The following SDCCAG8 variants were observed in gnomAD, a reference collection of about 807,000 sequenced individuals.
SDCCAG8 encodes the protein serologically defined colon cancer antigen 8.
A neutral mutation model predicts 101.8 loss-of-function variants in SDCCAG8; 74 were observed. The ratio of observed to expected loss-of-function variants is 0.73; its 90% CI spans 0.60 to 0.88. The LOEUF is 0.88. SDCCAG8 is among the 40% of genes least tolerant of loss of function. The probability of loss-of-function intolerance (pLI) is 0.00; values close to 1 mark genes in which losing one functional copy is unlikely to be tolerated. For missense variants in SDCCAG8, 787 were observed against 822.6 expected, an observed-to-expected ratio of 0.96 and a Z score of 0.53; for synonymous variants, 281 against 292.9, an observed-to-expected ratio of 0.96 and a Z score of 0.41.
At chr1:243,454,297 C>G (rs2083573437) in intron 16 of SDCCAG8, among the ~76,000 whole-genome samples, 1 of 152,112 alleles carries the variant, frequency 6.6e-6, no homozygotes, top group African/African-American at 2.4e-5. Context: ...TCCTTTGAAA[C>G]TATGAAACTG....
chr1:243,290,711 C>T (rs972005649), intron 5 of SDCCAG8, among the ~76,000 whole-genome samples: 1 of 152,190 alleles, frequency 6.6e-6, no homozygotes, highest in Admixed American at 6.5e-5. Context: ...CTCTCTTCTT[C>T]GAATGCCCTT....
chr1:243,462,646 G>GT (rs1194143367), intron 16 of SDCCAG8, among the ~76,000 whole-genome samples: 1 of 48,428 alleles, frequency 2.1e-5, no homozygotes, highest in Non-Finnish European at 5.0e-5. Flanking sequence ...AATTTACATT[G>GT]TATTTTTTTC....
intron 6 of SDCCAG8, among the ~76,000 whole-genome samples, chr1:243,293,902 T>C (rs1488393850): frequency 6.6e-6 from 1 of 152,200 alleles, no homozygotes; most frequent in Non-Finnish European, 1.5e-5. Flanking sequence ...CATCAATTCG[T>C]TTTTCTACCT....
At chr1:243,290,971 T>C (rs2070191809) in intron 5 of SDCCAG8, among the ~76,000 whole-genome samples, 1 of 152,206 alleles carries the variant, frequency 6.6e-6, no homozygotes, top group African/African-American at 2.4e-5. Flanking sequence ...TCCTCCAAGC[T>C]CTTAGCACAG....
At chr1:243,304,184 T>C (rs901494324) in intron 6 of SDCCAG8, among the ~76,000 whole-genome samples, 3 of 152,232 alleles carry the variant, frequency 2.0e-5, no homozygotes, top group Admixed American at 6.5e-5. Flanking sequence ...TCTATTCCTT[T>C]CTGGGATATT....
At chr1:243,359,992 T>C (rs2076605284) in intron 12 of SDCCAG8, among the ~76,000 whole-genome samples, 1 of 152,150 alleles carries the variant, frequency 6.6e-6, no homozygotes. Context: ...TGGTATCTCA[T>C]TGTGGTTTTA....
chr1:243,309,891 GTC>G (rs1469463920), intron 8 of SDCCAG8, among the ~76,000 whole-genome samples: 3 of 151,966 alleles, frequency 2.0e-5, no homozygotes, highest in African/African-American at 7.2e-5. Flanking sequence ...TTGAGACGGA[GTC>G]TCTCTCTGTT....
At chr1:243,274,390 C>G (rs2068350858) in intron 3 of SDCCAG8, among the ~76,000 whole-genome samples, 153 bp from the exon 4 acceptor site, 1 of 152,178 alleles carries the variant, frequency 6.6e-6, no homozygotes, top group African/African-American at 2.4e-5. Flanking sequence ...AGACTATAAG[C>G]TACATTGTGA....
chr1:243,323,123 G>A (rs1242533152), intron 9 of SDCCAG8, among the ~76,000 whole-genome samples: 2 of 149,620 alleles, frequency 1.3e-5, no homozygotes, highest in East Asian at 3.9e-4. Context: ...AGCAGAGTGA[G>A]ACTCCATCTT....
intron 14 of SDCCAG8, among the ~76,000 whole-genome samples, chr1:243,417,506 G>A (rs1462147392): frequency 6.6e-6 from 1 of 152,028 alleles, no homozygotes; most frequent in Non-Finnish European, 1.5e-5. Flanking sequence ...GGGTGGTGGT[G>A]GTAGTAAACC....
intron 11 of SDCCAG8, among the ~76,000 whole-genome samples, chr1:243,342,700 C>T (rs2075448950): frequency 6.6e-6 from 1 of 151,846 alleles, no homozygotes; most frequent in Non-Finnish European, 1.5e-5. Context: ...CATTTTTTTC[C>T]TGTCACTCTG....
intron 13 of SDCCAG8, among the ~76,000 whole-genome samples, chr1:243,385,157 G>A (rs1032769633): frequency 7.9e-5 from 12 of 152,254 alleles, no homozygotes; most frequent in Non-Finnish European, 1.6e-4. Flanking sequence ...GGGAGGCTGA[G>A]GCGGGCAGGT....
intron 9 of SDCCAG8, among the ~76,000 whole-genome samples, chr1:243,330,230 A>T (rs2074488726): frequency 6.6e-6 from 1 of 152,130 alleles, no homozygotes; most frequent in East Asian, 1.9e-4. Context: ...ATATTAGAAC[A>T]CTTGGTGTTT....
intron 8 of SDCCAG8, among the ~76,000 whole-genome samples, chr1:243,310,652 A>G (rs2072634412): frequency 6.6e-6 from 1 of 152,242 alleles, no homozygotes; most frequent in Admixed American, 6.5e-5. Flanking sequence ...TTTCTATTAA[A>G]AAATAAATTC....
intron 12 of SDCCAG8, among the ~76,000 whole-genome samples, chr1:243,353,154 G>A (rs1371480810): frequency 6.6e-6 from 1 of 152,050 alleles, no homozygotes; most frequent in East Asian, 1.9e-4. Context: ...AAAAGGCATG[G>A]GAATTTGGGA....
intron 15 of SDCCAG8, among the ~76,000 whole-genome samples, chr1:243,423,080 T>TA (rs1399034397): frequency 6.6e-6 from 1 of 152,118 alleles, no homozygotes; most frequent in Non-Finnish European, 1.5e-5. Flanking sequence ...TGTGCAGGCA[T>TA]ATATGTCAAA....
Position 243,487,630 on chromosome 1 carries a change from T to C in SDCCAG8, c.1986-1384T>C, listed in dbSNP as rs141045552. Reference sequence around the variant, plus strand: ...AGGCGCCAGGGCGTCCCTTAGTCCTTACACTTTCTCCAGAACCTGCGGGCA... The same window carrying C: ...AGGCGCCAGGGCGTCCCTTAGTCCTCACACTTTCTCCAGAACCTGCGGGCA... On this transcript the variant is annotated intron_variant, in intron 16 of 17. Coordinates refer to ENST00000366541, the MANE Select transcript of SDCCAG8 (RefSeq NM_006642.5). Among the ~76,000 whole-genome samples, 18 of 152,188 alleles carry C rather than the reference T, an allele frequency of 1.2e-4. No individual in the cohort carries two copies. In the East Asian group the frequency reaches 3.5e-3, roughly 30 times the overall value.
intron 4 of SDCCAG8, among the ~76,000 whole-genome samples, chr1:243,281,259 T>A (rs1572939651): frequency 6.6e-6 from 1 of 151,950 alleles, no homozygotes; most frequent in Non-Finnish European, 1.5e-5. Context: ...TATCTGTGTC[T>A]TCGTATTTAT....
At chr1:243,468,437 C>T (rs1249111149) in intron 16 of SDCCAG8, among the ~76,000 whole-genome samples, 1 of 152,182 alleles carries the variant, frequency 6.6e-6, no homozygotes, top group African/African-American at 2.4e-5. Context: ...AGGCTGGTCT[C>T]GAACTCCTGA....
Sources: gnomAD v4.1 joint callset for allele counts (sites outside exome capture counted in the v4.1 genomes callset) on GRCh38, gnomAD v4.1.1 for gene constraint, MANE v1.5 for transcripts, NCBI Gene and HGNC (gene_info 2026-07-23, HGNC 2026-07-21) for gene names.